Variants in KMT2C observed in about 807,000 individuals in gnomAD.
KMT2C encodes histone-lysine N-methyltransferase 2C.
A neutral mutation model predicts 507.9 loss-of-function variants in KMT2C; 88 were observed. The observed-to-expected ratio is 0.17, with a 90% CI of 0.15 to 0.21. The LOEUF is 0.21. Ranked by LOEUF, KMT2C falls within the 10% of genes least tolerant of loss-of-function variation. The probability of loss-of-function intolerance (pLI) is 1.00; values close to 1 mark genes in which losing one functional copy is unlikely to be tolerated. For synonymous variants in KMT2C, 2,049 were observed against 2,080.8 expected, an observed-to-expected ratio of 0.98 and a Z score of 0.42; for missense variants, 4,954 against 5,957.8, an observed-to-expected ratio of 0.83 and a Z score of 5.55.
intron 31 of KMT2C, among the ~76,000 whole-genome samples, chr7:152,188,310 G>A (rs1006931547): frequency 1.3e-5 from 2 of 152,092 alleles, no homozygotes; most frequent in African/African-American, 2.4e-5. Context: ...AGCCCAGGGT[G>A]TGAACCTCAA....
intron 55 of KMT2C, among the ~76,000 whole-genome samples, chr7:152,143,890 G>A (rs2090850132): frequency 6.6e-6 from 1 of 152,214 alleles, no homozygotes; most frequent in Non-Finnish European, 1.5e-5. Context: ...GCTGCTGAGA[G>A]GGAACTGGAT....
At chr7:152,189,551 T>TAATG (rs1588071085) in intron 31 of KMT2C, among the ~76,000 whole-genome samples, 1 of 152,316 alleles carries the variant, frequency 6.6e-6, no homozygotes, top group Middle Eastern at 3.4e-3. Context: ...TTACAATGTA[T>TAATG]AATGATCTTT....
At chr7:152,165,787 C>T (rs1351802269) in intron 42 of KMT2C, among the ~76,000 whole-genome samples, 1 of 152,178 alleles carries the variant, frequency 6.6e-6, no homozygotes, top group African/African-American at 2.4e-5. Flanking sequence ...CTCCCGGATT[C>T]AAGCAATTCT....
intron 1 of KMT2C, among the ~76,000 whole-genome samples, chr7:152,415,433 A>G (rs2097724400): frequency 1.3e-5 from 2 of 152,224 alleles, no homozygotes; most frequent in Non-Finnish European, 1.5e-5. Context: ...TACACAAAAG[A>G]TAATTACCTA....
rs945132538 is a variant in KMT2C at position 152,174,144 on chromosome 7, T to C, written c.9361A>G (p.Met3121Val). The C allele has an allele frequency of 4.4e-6, 7 of 1,598,282 alleles. No homozygotes were observed. The highest frequency in any genetic ancestry group is 3.4e-6 in the Non-Finnish European group (4 of 1,168,924). ...MAQNNLGMPP[M>V]VMSRFPFMGQ... is the part of the protein sequence containing the mutation. ...CACTCCACCTACCTGCTCATCACCATTGGTGGCATGCCCAGATTGTTTTGT... is the reference window on the plus strand; with the variant it reads ...CACTCCACCTACCTGCTCATCACCACTGGTGGCATGCCCAGATTGTTTTGT... Residue 3121 changes from methionine (M) to valine (V), a missense_variant, in exon 39 of 59, where the codon ATG (methionine) becomes GTG (valine). Physicochemically the swap from Met to Val is conservative, Grantham distance 21. Around this residue, in one of 29 missense-constraint regions of KMT2C, gnomAD observed 1,689 missense variants for 1,654.3 expected, o/e 1.02. Transcript: ENST00000262189.
At chr7:152,209,067 G>C (rs2094386482) in intron 23 of KMT2C, among the ~76,000 whole-genome samples, 1 of 151,700 alleles carries the variant, frequency 6.6e-6, no homozygotes, top group Non-Finnish European at 1.5e-5. Flanking sequence ...GCTGAGGCAG[G>C]AGAATTGCTT....
chr7:152,190,764 T>TACATATTACATAATA (rs1205728178), intron 31 of KMT2C, among the ~76,000 whole-genome samples: 2 of 152,176 alleles, frequency 1.3e-5, no homozygotes, highest in African/African-American at 2.4e-5. Flanking sequence ...TAAAGCATAT[T>TACATATTACATAATA]ACATATTACA....
intron 1 of KMT2C, among the ~76,000 whole-genome samples, chr7:152,372,633 A>G (rs2097300986): frequency 6.6e-6 from 1 of 152,216 alleles, no homozygotes; most frequent in Admixed American, 6.5e-5. Context: ...AAAAGTGTTA[A>G]AAGAGATCAG....
In KMT2C at chr7:152,162,556, CCTG is replaced by C; in HGVS notation, c.11018_11020del (p.Ala3673del). ...GTTCTCTAATTCTGTACATAGCTGG[CCTG>C]CTGCCATATTGGGAGTGGATGGGCC... On this transcript the variant is annotated inframe_deletion, in exon 43 of 59. Transcript: ENST00000262189. 6.2e-7 allele frequency: 1 copy of C among 1,614,224 alleles called. No individual in the cohort carries two copies. Among genetic ancestry groups the C allele is most frequent in the Non-Finnish European group, 8.5e-7 (1 of 1,180,048 alleles).
chr7:152,187,651 A>G lies in KMT2C; in HGVS notation c.4793+64T>C, dbSNP rs150906451. 5.2e-4 allele frequency: 810 copies of G among 1,553,702 alleles called. 4 individuals are homozygous for G. The African/African-American group carries it at 9.5e-3, about 18-fold the overall frequency. On this transcript the variant is annotated intron_variant, in intron 32 of 58. Coordinates refer to ENST00000262189, the MANE Select transcript of KMT2C (RefSeq NM_170606.3). ...CATACACAATCATTTAAGCAGACTA[A>G]TTTATATATAAATCAAACAGAAATT...
At chr7:152,341,373 ATG>A in intron 2 of KMT2C, among the ~76,000 whole-genome samples, 1 of 152,346 alleles carries the variant, frequency 6.6e-6, no homozygotes, top group Middle Eastern at 3.4e-3. Flanking sequence ...AAAATTATGT[ATG>A]GCTTATCAAA....
At chr7:152,394,519 T>C (rs1011743193) in intron 1 of KMT2C, among the ~76,000 whole-genome samples, 7 of 152,242 alleles carry the variant, frequency 4.6e-5, no homozygotes, top group Non-Finnish European at 1.0e-4. Context: ...TTATTTCTTT[T>C]AAGATTCTAT....
chr7:152,395,240 A>C (rs1320423862), intron 1 of KMT2C, among the ~76,000 whole-genome samples: 2 of 152,128 alleles, frequency 1.3e-5, no homozygotes, highest in Non-Finnish European at 2.9e-5. Flanking sequence ...GCTGGAGTGC[A>C]GTGGCGCAAC....
chr7:152,173,208 A>G (rs1364750556), intron 39 of KMT2C, among the ~76,000 whole-genome samples: 1 of 152,226 alleles, frequency 6.6e-6, no homozygotes, highest in Non-Finnish European at 1.5e-5. Flanking sequence ...TATACCCTTA[A>G]GAATTCAAAT....
intron 32 of KMT2C, 84 bp downstream of exon 32, chr7:152,187,631 A>G: frequency 6.7e-7 from 1 of 1,495,532 alleles, no homozygotes; most frequent in Non-Finnish European, 9.1e-7. Flanking sequence ...AATATCATAC[A>G]CAATCATTTA....
At chr7:152,392,992 G>A (rs1208675202) in intron 1 of KMT2C, among the ~76,000 whole-genome samples, 1 of 152,182 alleles carries the variant, frequency 6.6e-6, no homozygotes, top group Non-Finnish European at 1.5e-5. Context: ...CTACTCTGGA[G>A]GCTGAGTAGA....
chr7:152,197,755 CAT>C (rs1218816492), intron 27 of KMT2C, among the ~76,000 whole-genome samples: 1 of 151,578 alleles, frequency 6.6e-6, no homozygotes, highest in Admixed American at 6.6e-5. Context: ...CAATGAATGA[CAT>C]GTTAAAAAAA....
At position 152,149,158 on chromosome 7, in the gene KMT2C, C is replaced by A; in HGVS notation, c.12775-6G>T. 1 of 1,450,036 alleles carries A rather than the reference C, an allele frequency of 6.9e-7. No homozygotes were observed. The highest frequency in any genetic ancestry group is 9.1e-7 in the Non-Finnish European group (1 of 1,103,026). The allele number at this position is 1,450,036 out of a possible 1,614,324, so 89.8% of individuals were successfully genotyped here. On this transcript the variant is annotated splice_region_variant and splice_polypyrimidine_tract_variant and intron_variant, in intron 51 of 58. Coordinates refer to ENST00000262189, the MANE Select transcript of KMT2C (RefSeq NM_170606.3). ...GGCAATGAAGGAATGGATTCCTGGG[C>A]AACATAAAGAAACCATGACAAAGAA...
chr7:152,413,966 C>T (rs1341056649), intron 1 of KMT2C, among the ~76,000 whole-genome samples: 1 of 151,736 alleles, frequency 6.6e-6, no homozygotes, highest in Non-Finnish European at 1.5e-5. Flanking sequence ...AATCCCAACT[C>T]TCTGGGAGGC....
Sources: gnomAD v4.1 joint callset for allele counts (sites outside exome capture counted in the v4.1 genomes callset) on GRCh38, gnomAD v4.1.1 for gene constraint, gnomAD v4.1.1 regional missense constraint, MANE v1.5 for transcripts, NCBI Gene and HGNC (gene_info 2026-07-23, HGNC 2026-07-21) for gene names.